Variants in AFF2 observed in about 807,000 individuals in gnomAD.
AFF2 encodes the protein ALF transcription elongation factor 2.
Under a neutral mutation model 76.9 loss-of-function variants are expected in AFF2, and 14 were observed. That is an observed-to-expected ratio of 0.18 (90% CI 0.12 to 0.28). AFF2 has a LOEUF of 0.28. AFF2 is among the 10% of genes least tolerant of loss of function. The pLI is 1.00. For missense variants in AFF2, 868 were observed against 1,001.1 expected (o/e 0.87, Z 1.79); for synonymous variants, 398 against 366.7 (o/e 1.09, Z -0.98).
chrX:148,696,258 T>C (rs1160254905), intron 3 of AFF2, among the ~76,000 whole-genome samples: 1 of 107,958 alleles, frequency 9.3e-6, no homozygotes, highest in Non-Finnish European at 1.9e-5. Context: ...ATGAGAACAC[T>C]TGGACACAGG....
At chrX:148,858,710 C>CACAACATATA (rs1217009512) in intron 7 of AFF2, among the ~76,000 whole-genome samples, 1 of 110,999 alleles carries the variant, frequency 9.0e-6, no homozygotes, top group East Asian at 2.8e-4. Context: ...CCACTTCATT[C>CACAACATATA]ACAACAGTTA....
chrX:148,636,344 G>A (rs2054030784), intron 1 of AFF2, among the ~76,000 whole-genome samples: 1 of 112,142 alleles, frequency 8.9e-6, no homozygotes, highest in Non-Finnish European at 1.9e-5. Flanking sequence ...TACTTGAAAA[G>A]CTTCAGCATT....
At chrX:148,953,838 T>G in intron 10 of AFF2, 99 bp downstream of exon 10, 2 of 643,072 alleles carry the variant, frequency 3.1e-6, no homozygotes, top group Non-Finnish European at 4.6e-6. Context: ...CACACACACT[T>G]TCAGCACAAT....
chrX:148,871,219 C>T (rs2070970749), intron 7 of AFF2, among the ~76,000 whole-genome samples: 1 of 111,315 alleles, frequency 9.0e-6, no homozygotes, highest in Non-Finnish European at 1.9e-5. Context: ...TTAAGGGAGC[C>T]CCAACTTAAA....
chrX:148,560,156 G>T (rs782494472), intron 1 of AFF2, among the ~76,000 whole-genome samples: 15 of 111,018 alleles, frequency 1.4e-4, no homozygotes, highest in African/African-American at 4.6e-4. Context: ...ATACTACAAG[G>T]CTACAGTAAC....
intron 10 of AFF2, among the ~76,000 whole-genome samples, chrX:148,955,268 C>G (rs1363559872): frequency 8.9e-6 from 1 of 112,625 alleles, no homozygotes. Flanking sequence ...ATTTTGGAAA[C>G]AGGTTTCCCT....
At chrX:148,961,694 AT>A (rs1476831204) in intron 12 of AFF2, among the ~76,000 whole-genome samples, 3 of 112,515 alleles carry the variant, frequency 2.7e-5, no homozygotes, top group Non-Finnish European at 5.6e-5. Flanking sequence ...GCTTTGAGAT[AT>A]TGTAAATCTA....
At chrX:148,708,965 T>C (rs2054923795) in intron 3 of AFF2, among the ~76,000 whole-genome samples, 1 of 111,956 alleles carries the variant, frequency 8.9e-6, no homozygotes, top group Non-Finnish European at 1.9e-5. Flanking sequence ...AGATTTTGCA[T>C]TTTTTTCGTT....
intron 3 of AFF2, among the ~76,000 whole-genome samples, chrX:148,721,161 A>G (rs902739457): frequency 3.6e-5 from 4 of 112,203 alleles, no homozygotes; most frequent in African/African-American, 1.3e-4. Flanking sequence ...TTACAATCAA[A>G]GTGAGATATT....
At chrX:148,863,354 G>C (rs1557276582) in intron 7 of AFF2, among the ~76,000 whole-genome samples, 1 of 111,947 alleles carries the variant, frequency 8.9e-6, no homozygotes, top group African/African-American at 3.2e-5. Context: ...TTACAAGACT[G>C]TACTCTCCTT....
chrX:148,612,608 G>T (rs984693186), intron 1 of AFF2, among the ~76,000 whole-genome samples: 1 of 112,077 alleles, frequency 8.9e-6, no homozygotes, highest in South Asian at 3.6e-4. Flanking sequence ...CCAATCCTAG[G>T]TTTGTGGCTT....
chrX:148,899,194 A>G (rs1414965526), intron 8 of AFF2, among the ~76,000 whole-genome samples: 2 of 112,155 alleles, frequency 1.8e-5, no homozygotes, highest in African/African-American at 6.5e-5. Context: ...GCTGGGGTTT[A>G]GCCTACAGGA....
intron 3 of AFF2, among the ~76,000 whole-genome samples, chrX:148,795,355 G>T (rs564976002): frequency 9.0e-6 from 1 of 110,831 alleles, no homozygotes; most frequent in African/African-American, 3.3e-5. Flanking sequence ...TGAGGATCTG[G>T]AAAATGCTAA....
At chrX:148,610,108 A>C (rs534302579) in intron 1 of AFF2, among the ~76,000 whole-genome samples, 1 of 111,736 alleles carries the variant, frequency 8.9e-6, no homozygotes. Flanking sequence ...AAGAATTAGG[A>C]ATTGCCCATG....
At chrX:148,688,661 C>T (rs782668011) in intron 3 of AFF2, among the ~76,000 whole-genome samples, 4 of 111,138 alleles carry the variant, frequency 3.6e-5, no homozygotes, top group Non-Finnish European at 7.5e-5. Context: ...AACAGGGATG[C>T]GTTCTGAGAA....
chrX:148,950,223 C>A lies in AFF2; in HGVS notation c.1398-3357C>A, dbSNP rs185190241. On this transcript the variant is annotated intron_variant, in intron 9 of 20. Coordinates refer to ENST00000370460, the MANE Select transcript of AFF2 (RefSeq NM_002025.4). ...TCACTTTTTGTCCCTGGGAGCAGTC[C>A]CAACCGGGCGCAAGGTAGGCCCAGA... Among the ~76,000 whole-genome samples the A allele has an allele frequency of 1.5e-4, 17 of 111,867 alleles. 1 individual carries two copies. Among genetic ancestry groups the A allele is most frequent in the Non-Finnish European group, 2.6e-4 (14 of 53,192 alleles).
chrX:148,973,382 G>T, intron 15 of AFF2, 89 bp from the exon 16 acceptor site: 7 of 1,108,359 alleles, frequency 6.3e-6, no homozygotes, highest in Non-Finnish European at 8.6e-6. Context: ...GTGGGAAGGG[G>T]GCAAAACTAC....
chrX:148,789,464 T>C (rs2069863158), intron 3 of AFF2, among the ~76,000 whole-genome samples: 1 of 111,776 alleles, frequency 8.9e-6, no homozygotes, highest in Non-Finnish European at 1.9e-5. Flanking sequence ...GAAGCCAGAA[T>C]AGACCAAATA....
Position 148,570,220 on chromosome X carries a change from T to G in AFF2, c.47+69076T>G, listed in dbSNP as rs16994624. ...TCTACATGGTTATAGACCCTCAGTA[T>G]GCTTAAGATGAAATTTCATATCACC... On this transcript the variant is annotated intron_variant, in intron 1 of 20. Transcript: ENST00000370460. Among the ~76,000 whole-genome samples, 1,019 of 111,975 alleles carry G rather than the reference T, an allele frequency of 9.1e-3. 14 individuals carry two copies. Among genetic ancestry groups the G allele is most frequent in the African/African-American group, 0.03 (929 of 30,880 alleles).
Sources: gnomAD v4.1 joint callset for allele counts (sites outside exome capture counted in the v4.1 genomes callset) on GRCh38, gnomAD v4.1.1 for gene constraint, MANE v1.5 for transcripts, NCBI Gene and HGNC (gene_info 2026-07-23, HGNC 2026-07-21) for gene names.